Variants in WDR36 observed in about 807,000 individuals in gnomAD.
The protein encoded by WDR36 is WD repeat domain 36.
A neutral mutation model predicts 112.7 loss-of-function variants in WDR36; 63 were observed. That is an observed-to-expected ratio of 0.56 (90% confidence interval 0.46 to 0.69). The LOEUF (loss-of-function observed/expected upper bound fraction) is 0.69. Among genes scored for constraint, WDR36 ranks in the 30% least tolerant of loss-of-function variants. The probability of loss-of-function intolerance (pLI) is 0.00; values close to 1 mark genes in which losing one functional copy is unlikely to be tolerated. For missense variants in WDR36, 1,226 were observed against 1,070.3 expected (o/e 1.15, Z -2.03); for synonymous variants, 410 against 362.2 (o/e 1.13, Z -1.50).
rs1753734885 is a variant in WDR36 at position 111,129,141 on chromosome 5, T to A, written c.*2258T>A. 1 of 198,132 alleles carries A rather than the reference T, an allele frequency of 5.0e-6. No homozygotes were observed. The highest frequency in any genetic ancestry group is 2.3e-5 in the African/African-American group (1 of 43,464). The allele number at this position is 198,132 out of a possible 1,614,324, so 12.3% of individuals were successfully genotyped here. On this transcript the variant is annotated 3_prime_UTR_variant, in exon 23 of 23. Transcript: ENST00000513710. Reference sequence around the variant, plus strand: ...CTGTCCAACAGTACTTTGCCTATAATAGACACTTAAGGAAGTTTTCCTTCT... The same window carrying A: ...CTGTCCAACAGTACTTTGCCTATAAAAGACACTTAAGGAAGTTTTCCTTCT...
At chr5:111,118,928 T>C in intron 16 of WDR36, 85 bp from the exon 17 acceptor site, 1 of 1,129,462 alleles carries the variant, frequency 8.9e-7, no homozygotes, top group Non-Finnish European at 1.3e-6. Flanking sequence ...CTCTTATCCC[T>C]TATCTTTTTG....
chr5:111,099,950 C>T (rs1753086508), intron 4 of WDR36, among the ~76,000 whole-genome samples: 1 of 151,940 alleles, frequency 6.6e-6, no homozygotes, highest in African/African-American at 2.4e-5. Flanking sequence ...AAGTGAAAAG[C>T]AGAATTCAAA....
intron 16 of WDR36, among the ~76,000 whole-genome samples, chr5:111,118,712 A>T (rs1448875142): frequency 1.3e-5 from 2 of 152,092 alleles, no homozygotes; most frequent in African/African-American, 2.4e-5. Context: ...AGTCTACCAA[A>T]ATTTAGTATT....
chr5:111,114,431 A>G (rs1753415318), intron 16 of WDR36, among the ~76,000 whole-genome samples: 1 of 152,226 alleles, frequency 6.6e-6, no homozygotes, highest in Non-Finnish European at 1.5e-5. Context: ...TTTGACCTTT[A>G]GGAAGGAAAA....
chr5:111,125,383 A>G (rs963647259), intron 21 of WDR36, among the ~76,000 whole-genome samples: 34 of 151,640 alleles, frequency 2.2e-4, no homozygotes, highest in Non-Finnish European at 4.4e-5. Context: ...TAAATTACAG[A>G]AAAAAAATGT....
intron 16 of WDR36, among the ~76,000 whole-genome samples, chr5:111,113,606 CT>C (rs1753392982): frequency 6.6e-6 from 1 of 151,986 alleles, no homozygotes. Flanking sequence ...TTTAGATAGT[CT>C]TAGTGCATTT....
intron 7 of WDR36, 42 bp from the exon 8 acceptor site, chr5:111,104,135 A>G: frequency 6.4e-7 from 1 of 1,551,806 alleles, no homozygotes. Context: ...ATTTTGGGGG[A>G]TCTAGAAGTA....
At chr5:111,116,779 C>T (rs549977037) in intron 16 of WDR36, among the ~76,000 whole-genome samples, 25 of 152,304 alleles carry the variant, frequency 1.6e-4, no homozygotes, top group Non-Finnish European at 3.1e-4. Flanking sequence ...CATCTACCCA[C>T]ACACCACAGC....
At chr5:111,099,471 T>TTTTG (rs1753073083) in intron 4 of WDR36, among the ~76,000 whole-genome samples, 1 of 130,390 alleles carries the variant, frequency 7.7e-6, no homozygotes, top group African/African-American at 2.9e-5. Flanking sequence ...TTGTTTTTTT[T>TTTTG]TTTTTTTTTT....
At chr5:111,106,365 G>A (rs992345446) in intron 11 of WDR36, among the ~76,000 whole-genome samples, 1 of 151,332 alleles carries the variant, frequency 6.6e-6, no homozygotes, top group Admixed American at 6.6e-5. Flanking sequence ...CTGTATAACA[G>A]GTATTAATAA....
At position 111,104,503 on chromosome 5, in the gene WDR36, T is replaced by A. The variant is rs560215328; in HGVS notation, c.906+151T>A. 5.8e-5 allele frequency: 79 copies of A among 1,373,358 alleles called. 1 individual carries two copies. In the South Asian group the frequency reaches 9.0e-4, roughly 16 times the overall value. The allele number at this position is 1,373,358 out of a possible 1,614,324, so 85.1% of individuals were successfully genotyped here. A position where few individuals can be genotyped will look rare whatever the true frequency, so the allele number is the denominator to read the frequency against. ...TAGATGAAACAAAAAGCACAGCAGG[T>A]GACATGATTGCAGTGAAGCGGGAAA... On this transcript the variant is annotated intron_variant, in intron 8 of 22. Coordinates refer to ENST00000513710, the MANE Select transcript of WDR36 (RefSeq NM_139281.3).
At position 111,106,038 on chromosome 5, in the gene WDR36, C is replaced by T. The variant is rs769145090; in HGVS notation, c.1094-19C>T. ...GAAGGATTCATAGCTATGTATGTTCCCCTTTCCCCCATCCTTAGGATTAAT... is the reference window on the plus strand; with the variant it reads ...GAAGGATTCATAGCTATGTATGTTCTCCTTTCCCCCATCCTTAGGATTAAT... On this transcript the variant is annotated intron_variant, in intron 10 of 22. Coordinates refer to ENST00000513710, the MANE Select transcript of WDR36 (RefSeq NM_139281.3). 7.0e-6 allele frequency: 11 copies of T among 1,571,514 alleles called. No individual in the cohort carries two copies. Among genetic ancestry groups the T allele is most frequent in the South Asian group, 1.1e-5 (1 of 90,170 alleles).
Position 111,121,007 on chromosome 5 carries a change from T to G in WDR36, c.2014T>G (p.Ser672Ala), listed in dbSNP as rs1753554068. ...GTCQTQDVEV[S>A]EETVEPSDEL... is the part of the protein sequence containing the mutation. ...AAAATTTTTTTAAGATGTAGAAGTA[T>G]CAGAAGAAACAGTAGAACCAAGTGA... Residue 672 changes from serine to alanine, a missense_variant, in exon 19 of 23, where the codon TCA becomes GCA. Coordinates refer to ENST00000513710, the MANE Select transcript of WDR36 (RefSeq NM_139281.3). The G allele has an allele frequency of 6.2e-7, 1 of 1,613,108 alleles. No individual in the cohort carries two copies. The highest frequency in any genetic ancestry group is 1.3e-5 in the African/African-American group (1 of 75,022).
chr5:111,112,370 A>G (rs1045043331), intron 15 of WDR36, among the ~76,000 whole-genome samples: 3 of 151,938 alleles, frequency 2.0e-5, no homozygotes, highest in Non-Finnish European at 2.9e-5. Flanking sequence ...TGATCTATCT[A>G]TAACTTGAGA....
Position 111,103,809 on chromosome 5 carries a change from T to A in WDR36, c.621T>A (p.Ala207=). Residue 207 remains alanine (A), a synonymous_variant, in exon 7 of 23, where the codon GCT becomes GCA. Coordinates refer to ENST00000513710, the MANE Select transcript of WDR36 (RefSeq NM_139281.3). ...AGGCACCAGCCGTGGATGTTGTTGCTATTGGTCTTATGTCAGGTCAAGTTA... is the reference window on the plus strand; with the variant it reads ...AGGCACCAGCCGTGGATGTTGTTGCAATTGGTCTTATGTCAGGTCAAGTTA... ...LQQAPAVDVV[A]IGLMSGQVII... 6.2e-7 allele frequency: 1 copy of A among 1,611,276 alleles called. No homozygotes were observed. The highest frequency in any genetic ancestry group is 8.5e-7 in the Non-Finnish European group (1 of 1,178,142).
chr5:111,101,512 C>G (rs1264397408), intron 5 of WDR36, among the ~76,000 whole-genome samples: 5 of 151,696 alleles, frequency 3.3e-5, no homozygotes, highest in Admixed American at 1.3e-4. Flanking sequence ...ATAGATATGG[C>G]AAATATCTAA....
chr5:111,105,397 A>G, intron 10 of WDR36, 37 bp downstream of exon 10: 1 of 1,570,522 alleles, frequency 6.4e-7, no homozygotes, highest in Non-Finnish European at 8.8e-7. Context: ...CTGGTCACGA[A>G]AGAAACATTT....
chr5:111,126,655 C>T, intron 22 of WDR36, 79 bp from the exon 23 acceptor site: 2 of 1,479,268 alleles, frequency 1.4e-6, no homozygotes, highest in East Asian at 2.3e-5. Context: ...TTTTGTGGTT[C>T]CTTGGTAGAA....
intron 15 of WDR36, among the ~76,000 whole-genome samples, chr5:111,112,319 T>A (rs1753358173): frequency 6.6e-6 from 1 of 152,016 alleles, no homozygotes; most frequent in African/African-American, 2.4e-5. Flanking sequence ...TCAGAATCAT[T>A]CTTTCCCATC....
Sources: gnomAD v4.1 joint callset for allele counts (sites outside exome capture counted in the v4.1 genomes callset) on GRCh38, gnomAD v4.1.1 for gene constraint, MANE v1.5 for transcripts, NCBI Gene and HGNC (gene_info 2026-07-23, HGNC 2026-07-21) for gene names.